Variants in NF1 observed in about 807,000 individuals in gnomAD.
NF1 encodes the protein neurofibromin 1.
In NF1, 122 loss-of-function variants were observed where a neutral mutation model predicts 325.7. That is an observed-to-expected ratio of 0.37 (90% CI 0.32 to 0.44). NF1 has a LOEUF of 0.44. Ranked by LOEUF, NF1 falls within the 20% of genes least tolerant of loss-of-function variation. The pLI, the probability that NF1 is intolerant of heterozygous loss-of-function variation, is 1.00. For synonymous variants in NF1, 1,091 were observed against 1,186.0 expected (o/e 0.92, Z 1.65); for missense variants, 2,140 against 3,415.4 (o/e 0.63, Z 9.31).
intron 36 of NF1, chr17:31,304,813 C>T (rs371005826): frequency 2.4e-5 from 38 of 1,613,800 alleles, no homozygotes; most frequent in Admixed American, 3.3e-5. Context: ...GATTGATGTA[C>T]GTTTTGTGGA....
intron 18 of NF1, 51 bp from the exon 19 acceptor site, chr17:31,227,167 G>A (rs1430757038): frequency 1.9e-6 from 3 of 1,576,908 alleles, no homozygotes; most frequent in Non-Finnish European, 2.6e-6. Flanking sequence ...TTCTCCATTG[G>A]CAGGCAGGGC....
rs1421111312 is a variant in NF1 at position 31,169,327 on chromosome 17, A to T, written c.480-564A>T. Among the ~76,000 whole-genome samples the T allele has an allele frequency of 2.6e-5, 4 of 152,198 alleles. No individual in the cohort carries two copies. The East Asian group carries it at 7.7e-4, about 29-fold the overall frequency. On this transcript the variant is annotated intron_variant, in intron 4 of 57. Coordinates refer to ENST00000358273, the MANE Select transcript of NF1 (RefSeq NM_001042492.3). ...AAAGAACCCTGGCCGAAAGTCGGCA[A>T]TATTTAGACACCTCAATCTTAAGGA... is the stretch of plus-strand genomic sequence containing the variant.
At chr17:31,326,328 G>T (rs550798934) in intron 37 of NF1, 76 bp downstream of exon 37, 4 of 1,410,488 alleles carry the variant, frequency 2.8e-6, no homozygotes, top group East Asian at 2.3e-5. Flanking sequence ...GCCTCCCTAG[G>T]TGTCCTACCC....
intron 57 of NF1, among the ~76,000 whole-genome samples, chr17:31,370,821 C>T (rs187750270): frequency 6.6e-6 from 1 of 152,230 alleles, no homozygotes; most frequent in Admixed American, 6.5e-5. Flanking sequence ...TCATGCCCCT[C>T]CTGCATGCGG....
intron 51 of NF1, among the ~76,000 whole-genome samples, chr17:31,354,275 G>A (rs2070219078): frequency 6.6e-6 from 1 of 152,086 alleles, no homozygotes; most frequent in African/African-American, 2.4e-5. Context: ...GCAGAGAGGA[G>A]ATAACATTTG....
At chr17:31,276,285 G>A (rs549764524) in intron 36 of NF1, among the ~76,000 whole-genome samples, 9 of 151,560 alleles carry the variant, frequency 5.9e-5, no homozygotes, top group Admixed American at 2.0e-4. Flanking sequence ...TCTCCATGTC[G>A]GAGGGCTGGT....
At chr17:31,216,136 T>C (rs1048216252) in intron 13 of NF1, among the ~76,000 whole-genome samples, 7 of 152,250 alleles carry the variant, frequency 4.6e-5, no homozygotes, top group African/African-American at 7.2e-5. Context: ...TCCTTTGTTA[T>C]GTGTTACAAG....
At chr17:31,351,079 C>T (rs2151575483) in intron 50 of NF1, among the ~76,000 whole-genome samples, 1 of 152,188 alleles carries the variant, frequency 6.6e-6, no homozygotes, top group East Asian at 1.9e-4. Context: ...TCGTCAGTCC[C>T]ATTATTATAT....
chr17:31,292,691 C>T (rs958184214), intron 36 of NF1, among the ~76,000 whole-genome samples: 3 of 152,098 alleles, frequency 2.0e-5, no homozygotes, highest in African/African-American at 4.8e-5. Context: ...GAGTAGTTGA[C>T]GTATATTGTA....
intron 1 of NF1, among the ~76,000 whole-genome samples, chr17:31,151,025 G>C (rs759241930): frequency 5.1e-5 from 6 of 117,262 alleles, no homozygotes; most frequent in Non-Finnish European, 1.0e-4. Context: ...ACAGAGCAAG[G>C]CTCTGTCTCA....
chr17:31,133,658 T>C (rs1915557915), intron 1 of NF1: 1 of 151,762 alleles, frequency 6.6e-6, no homozygotes, highest in Non-Finnish European at 1.5e-5. Context: ...ATTTTGTGTC[T>C]TTTTTTTTAT....
chr17:31,310,869 A>G (rs1160456755), intron 36 of NF1, among the ~76,000 whole-genome samples: 1 of 152,104 alleles, frequency 6.6e-6, no homozygotes, highest in East Asian at 1.9e-4. Context: ...TATTTTAAAA[A>G]GAAAAACATA....
chr17:31,105,188 T>C (rs981023299), intron 1 of NF1, among the ~76,000 whole-genome samples: 25 of 152,188 alleles, frequency 1.6e-4, no homozygotes, highest in Non-Finnish European at 2.8e-4. Flanking sequence ...CGTGAACTAC[T>C]GTGCTGGGTC....
chr17:31,299,280 A>AAAATAAAT (rs35288330), intron 36 of NF1, among the ~76,000 whole-genome samples: 19 of 150,766 alleles, frequency 1.3e-4, no homozygotes, highest in African/African-American at 1.7e-4. Context: ...AAGTATAATA[A>AAAATAAAT]AAATAAATAA....
At chr17:31,222,608 A>C (rs1469416969) in intron 15 of NF1, 35 of 873,980 alleles carry the variant, frequency 4.0e-5, no homozygotes, top group Non-Finnish European at 4.9e-5. Context: ...AAACTTTTTT[A>C]CTTACTACAT....
intron 5 of NF1, among the ~76,000 whole-genome samples, chr17:31,179,782 A>T (rs908250667): frequency 3.6e-4 from 52 of 143,072 alleles, no homozygotes; most frequent in Non-Finnish European, 6.8e-4. Context: ...GACTCTGTTT[A>T]AAAAAAAAAA....
Position 31,158,360 on chromosome 17 carries a change from G to A in NF1, c.205-650G>A, listed in dbSNP as rs1464861006. The stretch of plus-strand genomic sequence containing the variant: ...TTATAAATAGGTAAAGAGATTTACG[G>A]AAAGACATTTAACATTTTTTGTAGC... On this transcript the variant is annotated intron_variant, in intron 2 of 57. Coordinates refer to ENST00000358273, the MANE Select transcript of NF1 (RefSeq NM_001042492.3). Among the ~76,000 whole-genome samples the A allele has an allele frequency of 2.6e-5, 4 of 152,286 alleles. No individual in the cohort carries two copies. In the East Asian group the frequency reaches 5.8e-4, roughly 22 times the overall value.
chr17:31,268,110 C>A (rs1372433095), intron 36 of NF1, among the ~76,000 whole-genome samples: 1 of 152,220 alleles, frequency 6.6e-6, no homozygotes, highest in Non-Finnish European at 1.5e-5. Context: ...TTCAACTCTT[C>A]CTCATGATTT....
intron 1 of NF1, among the ~76,000 whole-genome samples, chr17:31,123,248 A>G (rs940818595): frequency 6.6e-6 from 1 of 152,214 alleles, no homozygotes; most frequent in Non-Finnish European, 1.5e-5. Flanking sequence ...TAAAAATTCA[A>G]ATCCCAGGGG....
Sources: gnomAD v4.1 joint callset for allele counts (sites outside exome capture counted in the v4.1 genomes callset) on GRCh38, gnomAD v4.1.1 for gene constraint, MANE v1.5 for transcripts, NCBI Gene and HGNC (gene_info 2026-07-23, HGNC 2026-07-21) for gene names.